ESRRG: variants seen among roughly 807,000 people sequenced by gnomAD.
ESRRG encodes the protein estrogen related receptor gamma, also known as estrogen-related receptor gamma.
ESRRG carries 13 observed loss-of-function variants against 44.0 expected under a neutral mutation model. That is an observed-to-expected ratio of 0.30 (90% CI 0.19 to 0.47). The LOEUF is 0.47. Ranked by LOEUF, ESRRG falls within the 20% of genes least tolerant of loss-of-function variation. ESRRG has a pLI of 1.00. For missense variants in ESRRG, 395 were observed against 580.6 expected, an observed-to-expected ratio of 0.68 and a Z score of 3.29; for synonymous variants, 215 against 214.6, an observed-to-expected ratio of 1.00 and a Z score of -0.02.
At chr1:216,980,657 G>C (rs963228467) in intron 1 of ESRRG, among the ~76,000 whole-genome samples, 1 of 151,892 alleles carries the variant, frequency 6.6e-6, no homozygotes, top group African/African-American at 2.4e-5. Flanking sequence ...AACTTCCAAG[G>C]GGCTGTTTCT....
intron 2 of ESRRG, among the ~76,000 whole-genome samples, chr1:216,876,049 A>T (rs1458186009): frequency 6.6e-6 from 1 of 152,230 alleles, no homozygotes; most frequent in Non-Finnish European, 1.5e-5. Flanking sequence ...CAATGTAATC[A>T]CTGGAAGATT....
chr1:216,598,894 T>C (rs1231758230), intron 3 of ESRRG, among the ~76,000 whole-genome samples: 1 of 152,202 alleles, frequency 6.6e-6, no homozygotes, highest in Non-Finnish European at 1.5e-5. Context: ...GACACAATTC[T>C]GACACTCAAA....
In ESRRG at chr1:216,761,093, G is replaced by T. The variant is rs890090336; in HGVS notation, c.-13-83602C>A. On this transcript the variant is annotated intron_variant, in intron 2 of 7. Coordinates refer to the ESRRG transcript ENST00000359162. ...GGGACAGGTGTTAATGTCTAGGAGAGAAAAAAAAGGAGATATAGAAAGTGA... is the reference window on the plus strand; with the variant it reads ...GGGACAGGTGTTAATGTCTAGGAGATAAAAAAAAGGAGATATAGAAAGTGA... 1.2e-4 allele frequency among the ~76,000 whole-genome samples: 18 copies of T among 149,678 alleles called. 1 individual carries two copies. Among genetic ancestry groups the T allele is most frequent in the Admixed American group, 3.3e-4 (5 of 14,992 alleles).
At chr1:217,034,138 A>T (rs768888246) in intron 1 of ESRRG, among the ~76,000 whole-genome samples, 3 of 152,164 alleles carry the variant, frequency 2.0e-5, no homozygotes, top group Non-Finnish European at 4.4e-5. Flanking sequence ...CCTACAAAAC[A>T]GTTATTTACA....
intron 1 of ESRRG, among the ~76,000 whole-genome samples, chr1:217,080,579 G>GCCTGAC (rs200537745): frequency 0.017 from 2,535 of 151,914 alleles, 73 homozygotes; most frequent in African/African-American, 0.058. Context: ...TTTAATTCAA[G>GCCTGAC]CCTGACCCGA....
Position 216,793,127 on chromosome 1 carries a change from C to A in ESRRG, c.-13-115636G>T, listed in dbSNP as rs186934013. On this transcript the variant is annotated intron_variant, in intron 2 of 7. Coordinates refer to the ESRRG transcript ENST00000359162. ...CTCTAAATTTTACTGCCCTTTTGGT[C>A]CCACAGTGTTGGCTAAAATCTGGAT... Among the ~76,000 whole-genome samples the A allele has an allele frequency of 5.0e-4, 76 of 152,268 alleles. 1 individual carries two copies. Among genetic ancestry groups the A allele is most frequent in the Non-Finnish European group, 5.6e-4 (38 of 68,026 alleles).
chr1:216,592,862 T>C (rs2150027427), intron 3 of ESRRG, among the ~76,000 whole-genome samples: 1 of 152,320 alleles, frequency 6.6e-6, no homozygotes, highest in South Asian at 2.1e-4. Context: ...TGTGTACTGT[T>C]TTTCAGGTTA....
intron 1 of ESRRG, among the ~76,000 whole-genome samples, chr1:216,941,266 T>C (rs2065182562): frequency 6.6e-6 from 1 of 152,132 alleles, no homozygotes; most frequent in African/African-American, 2.4e-5. Flanking sequence ...TTGTTGCTTT[T>C]TTAAAAAGAA....
At chr1:217,062,083 C>G (rs536911094) in intron 1 of ESRRG, among the ~76,000 whole-genome samples, 1 of 152,126 alleles carries the variant, frequency 6.6e-6, no homozygotes, top group African/African-American at 2.4e-5. Flanking sequence ...GTTTAGCAAA[C>G]ATTTTTCAAC....
Position 216,965,485 on chromosome 1 carries a change from G to A in ESRRG, c.-105-25812C>T, listed in dbSNP as rs909587004. On this transcript the variant is annotated intron_variant, in intron 1 of 7. Coordinates refer to the ESRRG transcript ENST00000359162. Reference sequence around the variant, plus strand: ...TATCCAGTACTACAAACCAGGGCACGAGAGGCCCTGACCTCCTGTGGCTGG... The same window carrying A: ...TATCCAGTACTACAAACCAGGGCACAAGAGGCCCTGACCTCCTGTGGCTGG... 3.4e-4 allele frequency among the ~76,000 whole-genome samples: 51 copies of A among 152,118 alleles called. 1 individual carries two copies. Among genetic ancestry groups the A allele is most frequent in the South Asian group, 2.1e-4 (1 of 4,826 alleles).
chr1:216,555,641 C>T (rs1032021429), intron 5 of ESRRG, among the ~76,000 whole-genome samples: 3 of 151,964 alleles, frequency 2.0e-5, no homozygotes, highest in African/African-American at 4.8e-5. Flanking sequence ...AACTGTTTCT[C>T]GGATGCCTGA....
chr1:216,850,454 C>G (rs535795021), intron 2 of ESRRG, among the ~76,000 whole-genome samples: 1 of 152,228 alleles, frequency 6.6e-6, no homozygotes, highest in South Asian at 2.1e-4. Context: ...GATGTAGTCA[C>G]TATCCAACTC....
At position 216,615,032 on chromosome 1, in the gene ESRRG, T is replaced by C. The variant is rs982219841; in HGVS notation, c.589+35941A>G. On this transcript the variant is annotated intron_variant, in intron 3 of 6. Transcript: ENST00000408911. ...TGGTCATAAGGAGTAAAATGAAAAA[T>C]TCAAGAGACTGATTGAAGATAGTTT... 3.3e-5 allele frequency among the ~76,000 whole-genome samples: 5 copies of C among 152,226 alleles called. No individual in the cohort carries two copies. The East Asian group carries it at 9.7e-4, about 29-fold the overall frequency.
intron 1 of ESRRG, among the ~76,000 whole-genome samples, chr1:216,681,397 A>G (rs958120846): frequency 3.3e-5 from 5 of 151,854 alleles, no homozygotes; most frequent in African/African-American, 1.2e-4. Flanking sequence ...GCACCCATTA[A>G]CTCGTCATTT....
intron 5 of ESRRG, among the ~76,000 whole-genome samples, chr1:216,522,394 T>C (rs1357776732): frequency 6.7e-6 from 1 of 149,800 alleles, no homozygotes; most frequent in East Asian, 2.0e-4. Flanking sequence ...TTTTTGCAAA[T>C]CCAAAGGAAA....
chr1:216,600,345 G>A (rs946909009), intron 3 of ESRRG, among the ~76,000 whole-genome samples: 3 of 152,066 alleles, frequency 2.0e-5, no homozygotes, highest in African/African-American at 7.2e-5. Context: ...GGACTTCTTT[G>A]GGTAATAATG....
chr1:216,710,636 T>C (rs1411454946), intron 1 of ESRRG, among the ~76,000 whole-genome samples: 1 of 152,178 alleles, frequency 6.6e-6, no homozygotes. Context: ...AATTATTCAT[T>C]TGAAATACTC....
chr1:217,008,185 C>G (rs1408016472), intron 1 of ESRRG, among the ~76,000 whole-genome samples: 1 of 152,224 alleles, frequency 6.6e-6, no homozygotes, highest in African/African-American at 2.4e-5. Flanking sequence ...CTGTCTGCCA[C>G]TGTGAGATAT....
At chr1:216,706,456 G>A (rs987695481) in intron 1 of ESRRG, among the ~76,000 whole-genome samples, 2 of 152,062 alleles carry the variant, frequency 1.3e-5, no homozygotes, top group East Asian at 1.9e-4. Flanking sequence ...CTGTGCCCAC[G>A]TTGCAATAGT....
Sources: allele counts gnomAD v4.1 joint callset (sites outside exome capture counted in the v4.1 genomes callset), GRCh38; gene constraint gnomAD v4.1.1; transcripts MANE v1.5; gene names NCBI Gene and HGNC (gene_info 2026-07-23, HGNC 2026-07-21).